RASGRF2: variants seen among roughly 807,000 people sequenced by gnomAD.
The protein encoded by RASGRF2 is ras-specific guanine nucleotide-releasing factor 2.
RASGRF2 carries 76 observed loss-of-function variants against 151.0 expected under a neutral mutation model. The observed-to-expected ratio is 0.50, with a 90% CI of 0.42 to 0.61. RASGRF2 has a LOEUF of 0.61. Ranked by LOEUF, RASGRF2 falls within the 20% of genes least tolerant of loss-of-function variation. RASGRF2 has a pLI of 0.00. For synonymous variants in RASGRF2, 504 were observed against 566.5 expected (o/e 0.89, Z 1.57); for missense variants, 1,148 against 1,564.6 (o/e 0.73, Z 4.49).
chr5:81,212,243 T>A (rs1419049110), intron 22 of RASGRF2, 123 bp from the exon 23 acceptor site: 6 of 625,318 alleles, frequency 9.6e-6, no homozygotes, highest in Non-Finnish European at 1.7e-5. Context: ...AAATGTAGAA[T>A]ATGATCTTCA....
In RASGRF2 at chr5:81,167,278, A is replaced by G. The variant is rs140977691; in HGVS notation, c.2687-12897A>G. Among the ~76,000 whole-genome samples, 237 of 152,318 alleles carry G rather than the reference A, an allele frequency of 1.6e-3. 2 individuals carry two copies. The highest frequency in any genetic ancestry group is 5.5e-3 in the African/African-American group (228 of 41,582). ...ATACACACAGCAACCAATTTATCCA[A>G]GGCCTGTTTTGTATCAGTCCTGAGG... is the stretch of plus-strand genomic sequence containing the variant. On this transcript the variant is annotated intron_variant, in intron 17 of 26. Coordinates refer to ENST00000265080, the MANE Select transcript of RASGRF2 (RefSeq NM_006909.3).
chr5:81,055,116 A>C (rs1205590768), intron 2 of RASGRF2, among the ~76,000 whole-genome samples: 2 of 152,220 alleles, frequency 1.3e-5, no homozygotes, highest in African/African-American at 2.4e-5. Context: ...AATACCCTTT[A>C]TTTCTTTCTC....
intron 7 of RASGRF2, among the ~76,000 whole-genome samples, chr5:81,082,413 G>A (rs527256030): frequency 4.6e-5 from 7 of 152,108 alleles, no homozygotes; most frequent in African/African-American, 1.2e-4. Flanking sequence ...ATTGACCCCC[G>A]GGAATTTTTA....
chr5:81,224,288 A>G (rs1170218302), intron 26 of RASGRF2, among the ~76,000 whole-genome samples: 1 of 152,236 alleles, frequency 6.6e-6, no homozygotes, highest in Non-Finnish European at 1.5e-5. Flanking sequence ...AATTTAAAAG[A>G]TTGATAATAT....
At chr5:81,167,465 A>C (rs1242169229) in intron 17 of RASGRF2, among the ~76,000 whole-genome samples, 2 of 152,262 alleles carry the variant, frequency 1.3e-5, no homozygotes, top group Non-Finnish European at 2.9e-5. Flanking sequence ...TTGTTAAACT[A>C]ATCCACTTGA....
At chr5:81,183,684 A>G (rs1754965697) in intron 18 of RASGRF2, among the ~76,000 whole-genome samples, 2 of 152,164 alleles carry the variant, frequency 1.3e-5, no homozygotes, top group African/African-American at 2.4e-5. Flanking sequence ...TTGTCTATCA[A>G]TCAGCAGAGG....
At chr5:81,062,781 C>T (rs1410506303) in intron 2 of RASGRF2, among the ~76,000 whole-genome samples, 1 of 152,164 alleles carries the variant, frequency 6.6e-6, no homozygotes, top group Non-Finnish European at 1.5e-5. Context: ...CTTCATCTGG[C>T]TTGTTTTCTT....
intron 7 of RASGRF2, among the ~76,000 whole-genome samples, chr5:81,083,150 T>C (rs1039023076): frequency 2.6e-5 from 4 of 152,238 alleles, no homozygotes; most frequent in African/African-American, 9.6e-5. Context: ...ATGGAGGTAT[T>C]TGAATCCCTT....
chr5:81,116,958 G>T (rs1297081106), intron 15 of RASGRF2, among the ~76,000 whole-genome samples: 1 of 152,210 alleles, frequency 6.6e-6, no homozygotes, highest in East Asian at 1.9e-4. Context: ...CATTTTGGTT[G>T]CTTCCACCTC....
rs199604750 is a variant in RASGRF2, at chr5:81,171,154, CT to C, written c.2687-9020del. Among the ~76,000 whole-genome samples, 396 of 152,246 alleles carry C rather than the reference CT, an allele frequency of 2.6e-3. 3 individuals are homozygous for C. Among genetic ancestry groups the C allele is most frequent in the African/African-American group, 9.2e-3 (381 of 41,536 alleles). On this transcript the variant is annotated intron_variant, in intron 17 of 26. Coordinates refer to ENST00000265080, the MANE Select transcript of RASGRF2 (RefSeq NM_006909.3). The stretch of plus-strand genomic sequence containing the variant: ...CTCCACTAATTCGGTGGCCATCCCC[CT>C]CTCCTTGCATACGCAGGCGCATGCT...
intron 1 of RASGRF2, among the ~76,000 whole-genome samples, chr5:80,976,948 G>A (rs935054355): frequency 1.3e-5 from 2 of 152,162 alleles, no homozygotes; most frequent in South Asian, 2.1e-4. Context: ...CACTGTGTGC[G>A]TAATTAAATG....
chr5:81,187,841 C>A (rs1755065367), intron 18 of RASGRF2, among the ~76,000 whole-genome samples: 1 of 152,240 alleles, frequency 6.6e-6, no homozygotes, highest in East Asian at 1.9e-4. Flanking sequence ...ATGACAGGGG[C>A]GGCTTCTAAA....
At chr5:81,007,124 T>C (rs1225552787) in intron 1 of RASGRF2, among the ~76,000 whole-genome samples, 1 of 152,204 alleles carries the variant, frequency 6.6e-6, no homozygotes, top group African/African-American at 2.4e-5. Flanking sequence ...AATGTGTATA[T>C]GCCTCTTCTC....
At chr5:81,195,210 A>C (rs1025292473) in intron 18 of RASGRF2, among the ~76,000 whole-genome samples, 8 of 152,138 alleles carry the variant, frequency 5.3e-5, no homozygotes, top group African/African-American at 1.9e-4. Context: ...CGCCAGAGCC[A>C]ATGCTGACCC....
At chr5:81,104,985 T>C (rs1235225145) in intron 12 of RASGRF2, among the ~76,000 whole-genome samples, 1 of 152,168 alleles carries the variant, frequency 6.6e-6, no homozygotes, top group Non-Finnish European at 1.5e-5. Flanking sequence ...CTGCAGAGTT[T>C]CCTGGACAAG....
intron 12 of RASGRF2, among the ~76,000 whole-genome samples, chr5:81,104,540 T>G (rs1752791819): frequency 6.6e-6 from 1 of 152,192 alleles, no homozygotes; most frequent in African/African-American, 2.4e-5. Context: ...CAATTCTCTT[T>G]TATATAATTT....
intron 17 of RASGRF2, among the ~76,000 whole-genome samples, chr5:81,137,266 C>T (rs1753776249): frequency 6.6e-6 from 1 of 152,116 alleles, no homozygotes; most frequent in African/African-American, 2.4e-5. Flanking sequence ...AGGCTACTGT[C>T]CTGAGCACAT....
At chr5:81,089,265 A>G (rs1752325455) in intron 9 of RASGRF2, among the ~76,000 whole-genome samples, 1 of 152,170 alleles carries the variant, frequency 6.6e-6, no homozygotes, top group African/African-American at 2.4e-5. Context: ...ATGGTCTACA[A>G]TTTATCTCTA....
chr5:81,084,128 C>T (rs1391768894), intron 7 of RASGRF2, among the ~76,000 whole-genome samples: 5 of 152,126 alleles, frequency 3.3e-5, no homozygotes, highest in South Asian at 2.1e-4. Context: ...TCTTAGCCAG[C>T]GAGCACTTTA....
Sources: allele counts gnomAD v4.1 joint callset (sites outside exome capture counted in the v4.1 genomes callset), GRCh38; gene constraint gnomAD v4.1.1; transcripts MANE v1.5; gene names NCBI Gene and HGNC (gene_info 2026-07-23, HGNC 2026-07-21).